The following LRRTM4 variants were observed in gnomAD, a reference collection of about 807,000 sequenced individuals.
LRRTM4 encodes the protein leucine rich repeat transmembrane neuronal 4, also known as leucine-rich repeat transmembrane neuronal protein 4.
In LRRTM4, 25 loss-of-function variants were observed where a neutral mutation model predicts 47.6. The ratio of observed to expected loss-of-function variants is 0.53; its 90% confidence interval spans 0.38 to 0.73. LRRTM4 has a LOEUF of 0.73. Ranked by LOEUF, LRRTM4 falls within the 30% of genes least tolerant of loss-of-function variation. The pLI, the probability that LRRTM4 is intolerant of heterozygous loss-of-function variation, is 0.00. For missense variants in LRRTM4, 638 were observed against 713.4 expected (o/e 0.89, Z 1.20); for synonymous variants, 311 against 269.5 (o/e 1.15, Z -1.51).
At chr2:77,484,474 A>T (rs1470676762) in intron 3 of LRRTM4, among the ~76,000 whole-genome samples, 1 of 152,200 alleles carries the variant, frequency 6.6e-6, no homozygotes, top group Non-Finnish European at 1.5e-5. Flanking sequence ...GATTGCAAAG[A>T]GGTGTCCACA....
chr2:76,795,863 G>C lies in LRRTM4; in HGVS notation c.1552-46947C>G, dbSNP rs143913905. Among the ~76,000 whole-genome samples the C allele has an allele frequency of 2.6e-5, 4 of 151,944 alleles. No homozygotes were observed. In the South Asian group the frequency reaches 8.3e-4, roughly 32 times the overall value. ...CCTGTCTACAGCTCCCAGCGTGAGC[G>C]ACGCAGAAGACGGGTGATTTCTGCA... On this transcript the variant is annotated intron_variant, in intron 3 of 3. Coordinates refer to ENST00000409884, the MANE Select transcript of LRRTM4 (RefSeq NM_001134745.3).
intron 3 of LRRTM4, among the ~76,000 whole-genome samples, chr2:77,037,696 T>C (rs1238776535): frequency 1.3e-5 from 2 of 151,726 alleles, no homozygotes; most frequent in African/African-American, 2.4e-5. Context: ...TGGATAGCTC[T>C]ATATACTCCC....
At chr2:77,107,694 T>A in intron 3 of LRRTM4, among the ~76,000 whole-genome samples, 1 of 151,786 alleles carries the variant, frequency 6.6e-6, no homozygotes, top group East Asian at 1.9e-4. Context: ...GATGCATGCC[T>A]GTAATCCTAG....
intron 3 of LRRTM4, among the ~76,000 whole-genome samples, chr2:77,221,026 C>T (rs1225334674): frequency 1.3e-5 from 2 of 152,156 alleles, no homozygotes; most frequent in Non-Finnish European, 2.9e-5. Context: ...ATTCTACAAG[C>T]CAGAAGAGAG....
chr2:77,276,454 A>C (rs1223784687), intron 3 of LRRTM4, among the ~76,000 whole-genome samples: 2 of 150,202 alleles, frequency 1.3e-5, no homozygotes, highest in Non-Finnish European at 3.0e-5. Context: ...AAAGGAAAGA[A>C]TCTTGTCATA....
At chr2:76,805,267 A>G (rs79948629) in intron 3 of LRRTM4, among the ~76,000 whole-genome samples, 4,177 of 152,202 alleles carry the variant, frequency 0.027, 187 homozygotes, top group East Asian at 0.083. Context: ...TGGCCAGGGG[A>G]AAGGTACATT....
At chr2:77,212,148 G>A (rs1297257039) in intron 3 of LRRTM4, among the ~76,000 whole-genome samples, 1 of 151,910 alleles carries the variant, frequency 6.6e-6, no homozygotes, top group Non-Finnish European at 1.5e-5. Context: ...GAGCATTGCT[G>A]AAATGACAAA....
chr2:76,809,188 T>C (rs1290841863), intron 3 of LRRTM4, among the ~76,000 whole-genome samples: 1 of 152,180 alleles, frequency 6.6e-6, no homozygotes, highest in Non-Finnish European at 1.5e-5. Context: ...TAAATAACAT[T>C]AACATCCTTT....
chr2:76,865,820 A>G (rs1431499806), intron 3 of LRRTM4, among the ~76,000 whole-genome samples: 2 of 152,194 alleles, frequency 1.3e-5, no homozygotes, highest in Non-Finnish European at 2.9e-5. Context: ...ATAGAAATGA[A>G]AGATGTATTA....
At chr2:77,324,110 G>A (rs900949625) in intron 3 of LRRTM4, among the ~76,000 whole-genome samples, 5 of 152,002 alleles carry the variant, frequency 3.3e-5, no homozygotes, top group African/African-American at 7.2e-5. Context: ...ATAGTAACAT[G>A]GGGTTTTCAT....
At chr2:77,365,652 A>G (rs991503150) in intron 3 of LRRTM4, among the ~76,000 whole-genome samples, 1 of 151,704 alleles carries the variant, frequency 6.6e-6, no homozygotes, top group Non-Finnish European at 1.5e-5. Flanking sequence ...GTTAATGGTT[A>G]TGCATCTTTT....
intron 3 of LRRTM4, among the ~76,000 whole-genome samples, chr2:77,218,680 C>A (rs1674529191): frequency 6.6e-6 from 1 of 152,122 alleles, no homozygotes; most frequent in Admixed American, 6.6e-5. Flanking sequence ...TCCTTGGTGG[C>A]ATTATTGAAG....
Position 77,111,292 on chromosome 2 carries a change from T to TATTTA in LRRTM4, c.1552-362377_1552-362376insTAAAT, listed in dbSNP as rs1558585407. On this transcript the variant is annotated intron_variant, in intron 3 of 3. Coordinates refer to ENST00000409884, the MANE Select transcript of LRRTM4 (RefSeq NM_001134745.3). ...GTCACCACACCTGGCTATTTTTTTT[T>TATTTA]TTTTTTTTTTGTATTTTATTAGAAA... Among the ~76,000 whole-genome samples, 20 of 150,138 alleles carry TATTTA rather than the reference T, an allele frequency of 1.3e-4. No individual in the cohort carries two copies. In the East Asian group the frequency reaches 2.6e-3, roughly 19 times the overall value.
chr2:77,385,923 T>A (rs1673250615), intron 3 of LRRTM4, among the ~76,000 whole-genome samples: 2 of 151,348 alleles, frequency 1.3e-5, no homozygotes, highest in Admixed American at 6.6e-5. Flanking sequence ...ATTTTTTTTT[T>A]ATTTTTTATT....
At chr2:76,884,441 A>C (rs1006960833) in intron 3 of LRRTM4, among the ~76,000 whole-genome samples, 1 of 152,202 alleles carries the variant, frequency 6.6e-6, no homozygotes, top group African/African-American at 2.4e-5. Context: ...TAAATTCCAA[A>C]GACAGACAGA....
chr2:76,771,819 T>A (rs1224648637), intron 3 of LRRTM4, among the ~76,000 whole-genome samples: 1 of 152,090 alleles, frequency 6.6e-6, no homozygotes, highest in African/African-American at 2.4e-5. Flanking sequence ...CAACAGCCCC[T>A]TCAACCAACC....
At chr2:77,226,912 G>C (rs867785110) in intron 3 of LRRTM4, among the ~76,000 whole-genome samples, 2 of 152,106 alleles carry the variant, frequency 1.3e-5, no homozygotes, top group Middle Eastern at 6.8e-3. Flanking sequence ...TCTGAACTGA[G>C]TCGCCCAATT....
intron 3 of LRRTM4, among the ~76,000 whole-genome samples, chr2:77,401,558 A>G (rs924079260): frequency 6.6e-6 from 1 of 151,908 alleles, no homozygotes; most frequent in South Asian, 2.1e-4. Context: ...AGCACATAGA[A>G]CAGTTCCTGA....
At chr2:77,386,264 C>T (rs1673268650) in intron 3 of LRRTM4, among the ~76,000 whole-genome samples, 1 of 152,138 alleles carries the variant, frequency 6.6e-6, no homozygotes, top group African/African-American at 2.4e-5. Context: ...TAAATTTATA[C>T]ATCCAGGTTG....
Sources: allele counts gnomAD v4.1 joint callset (sites outside exome capture counted in the v4.1 genomes callset), GRCh38; gene constraint gnomAD v4.1.1; transcripts MANE v1.5; gene names NCBI Gene and HGNC (gene_info 2026-07-23, HGNC 2026-07-21).